Variants in VCL observed in about 807,000 individuals in gnomAD.
VCL encodes the protein vinculin.
A neutral mutation model predicts 125.7 loss-of-function variants in VCL; 47 were observed. The ratio of observed to expected loss-of-function variants is 0.37; its 90% CI spans 0.30 to 0.48. The LOEUF (loss-of-function observed/expected upper bound fraction) is 0.48, where lower values mean the gene tolerates loss of function less well. Among genes scored for constraint, VCL ranks in the 20% least tolerant of loss-of-function variants. VCL has a pLI of 0.99. For missense variants in VCL, 1,069 were observed against 1,455.5 expected (o/e 0.73, Z 4.32); for synonymous variants, 458 against 514.6 (o/e 0.89, Z 1.49).
In VCL at chr10:74,105,326, G is replaced by A. The variant is rs754294941; in HGVS notation, c.2407G>A (p.Ala803Thr). Residue 803 changes from alanine (A) to threonine (T), a missense_variant, in exon 16 of 22, where the codon GCT (alanine) becomes ACT (threonine). Ala to Thr is a moderately conservative substitution (Grantham distance 58). Coordinates refer to ENST00000211998, the MANE Select transcript of VCL (RefSeq NM_014000.3). ...CTCCCCGATGGTGATGGATGCAAAA[G>A]CTGTGGCTGGAAACATTTCCGACCC... ...TISPMVMDAK[A>T]VAGNISDPGL... 7 of 1,612,588 alleles carry A rather than the reference G, an allele frequency of 4.3e-6. No homozygotes were observed. Among genetic ancestry groups the A allele is most frequent in the South Asian group, 1.1e-5 (1 of 91,014 alleles).
At chr10:74,018,513 T>C (rs1285087885) in intron 1 of VCL, among the ~76,000 whole-genome samples, 1 of 152,068 alleles carries the variant, frequency 6.6e-6, no homozygotes, top group African/African-American at 2.4e-5. Context: ...AGGCAGTGTT[T>C]GAAGCATGAG....
At chr10:74,017,695 A>C (rs1840577013) in intron 1 of VCL, among the ~76,000 whole-genome samples, 1 of 151,186 alleles carries the variant, frequency 6.6e-6, no homozygotes, top group African/African-American at 2.4e-5. Context: ...TGGGACTACT[A>C]CAGGTGCATG....
intron 1 of VCL, among the ~76,000 whole-genome samples, chr10:74,034,821 A>T (rs1377683328): frequency 6.6e-6 from 1 of 152,240 alleles, no homozygotes; most frequent in African/African-American, 2.4e-5. Context: ...TCACCACCCC[A>T]GAAAAACAAT....
chr10:74,107,392 G>A, intron 17 of VCL, 38 bp downstream of exon 17: 1 of 1,614,092 alleles, frequency 6.2e-7, no homozygotes, highest in Non-Finnish European at 8.5e-7. Flanking sequence ...TGAGCAGGAA[G>A]GTGTTGAGAC....
chr10:74,054,950 A>T (rs1314047853), intron 2 of VCL, among the ~76,000 whole-genome samples: 1 of 152,110 alleles, frequency 6.6e-6, no homozygotes, highest in Middle Eastern at 3.4e-3. Flanking sequence ...AAAACCAACA[A>T]CAAAATAATA....
chr10:74,043,016 G>T, intron 1 of VCL, 67 bp from the exon 2 acceptor site: 1 of 1,380,652 alleles, frequency 7.2e-7, no homozygotes, highest in South Asian at 1.2e-5. Flanking sequence ...TTTCAAATAT[G>T]CTTAAGTAAT....
At chr10:74,039,168 T>C (rs1046492880) in intron 1 of VCL, among the ~76,000 whole-genome samples, 1 of 152,086 alleles carries the variant, frequency 6.6e-6, no homozygotes, top group Admixed American at 6.6e-5. Context: ...CTCCTCGGCC[T>C]CCCAAAGTGC....
At chr10:74,107,808 T>G (rs974803696) in intron 17 of VCL, among the ~76,000 whole-genome samples, 1 of 152,164 alleles carries the variant, frequency 6.6e-6, no homozygotes, top group Admixed American at 6.5e-5. Flanking sequence ...TACATGCTTT[T>G]AAAAAATTTT....
chr10:74,072,905 T>G (rs1839509520), intron 5 of VCL, 53 bp downstream of exon 5: 21 of 1,612,136 alleles, frequency 1.3e-5, no homozygotes, highest in Middle Eastern at 1.6e-4. Context: ...TAGCATGTTC[T>G]AAACTCTGAG....
At chr10:74,090,549 G>A (rs1839864248) in intron 10 of VCL, among the ~76,000 whole-genome samples, 1 of 152,132 alleles carries the variant, frequency 6.6e-6, no homozygotes, top group South Asian at 2.1e-4. Flanking sequence ...TACATAAGAG[G>A]AAAATAATTT....
chr10:74,056,168 G>T, intron 2 of VCL, among the ~76,000 whole-genome samples: 1 of 149,914 alleles, frequency 6.7e-6, no homozygotes, highest in East Asian at 1.9e-4. Context: ...TGAGCCTGTG[G>T]GTTTTGTGTG....
At chr10:74,047,532 T>G (rs924233393) in intron 2 of VCL, among the ~76,000 whole-genome samples, 2 of 152,166 alleles carry the variant, frequency 1.3e-5, no homozygotes, top group African/African-American at 4.8e-5. Flanking sequence ...CGACTGAAAC[T>G]TCCTCTGTAG....
chr10:74,032,466 A>T (rs910521076), intron 1 of VCL, among the ~76,000 whole-genome samples: 9 of 151,810 alleles, frequency 5.9e-5, no homozygotes, highest in African/African-American at 2.2e-4. Context: ...GGGAGGCCGA[A>T]GCAGGCAGAT....
In VCL at chr10:74,083,513, G is replaced by C. The variant is rs1415541104; in HGVS notation, c.1022G>C (p.Arg341Thr). 1 of 1,613,686 alleles carries C rather than the reference G, an allele frequency of 6.2e-7. No individual in the cohort carries two copies. Among genetic ancestry groups the C allele is most frequent in the Non-Finnish European group, 8.5e-7 (1 of 1,179,794 alleles). Residue 341 changes from arginine (R) to threonine (T), a missense_variant and splice_region_variant, in exon 8 of 22, where the codon AGA becomes ACA. Transcript: ENST00000211998. ...MTDQVADLRA[R>T]GQGSSPVAMQ... Reference sequence around the variant, plus strand: ...GATCAAGTGGCTGACCTCCGTGCCAGGTAAAAGTTCCTCTGTCCTTACAGA... The same window carrying C: ...GATCAAGTGGCTGACCTCCGTGCCACGTAAAAGTTCCTCTGTCCTTACAGA...
intron 1 of VCL, among the ~76,000 whole-genome samples, chr10:74,010,649 A>T (rs76251874): frequency 0.027 from 3,927 of 145,682 alleles, 57 homozygotes; most frequent in East Asian, 0.064. Flanking sequence ...TTCACCGTTT[A>T]AAAAAAAAAA....
chr10:74,091,010 G>C (rs1839874219), intron 10 of VCL, among the ~76,000 whole-genome samples: 1 of 151,838 alleles, frequency 6.6e-6, no homozygotes, highest in Admixed American at 6.6e-5. Context: ...TATGTTGTCA[G>C]GGCTGGTCTC....
chr10:74,047,614 G>A (rs1564517222), intron 2 of VCL, among the ~76,000 whole-genome samples: 1 of 152,140 alleles, frequency 6.6e-6, no homozygotes, highest in Non-Finnish European at 1.5e-5. Context: ...AACATTTATT[G>A]TTAGATCAGT....
intron 10 of VCL, 87 bp downstream of exon 10, chr10:74,090,285 C>G: frequency 6.9e-7 from 1 of 1,451,582 alleles, no homozygotes; most frequent in Non-Finnish European, 9.6e-7. Context: ...TTTCTTCCCC[C>G]AAGAACATAC....
In VCL at chr10:74,024,426, C is replaced by T. The variant is rs550552775; in HGVS notation, c.169-18657C>T. Among the ~76,000 whole-genome samples the T allele has an allele frequency of 9.2e-5, 14 of 152,168 alleles. No individual in the cohort carries two copies. The East Asian group carries it at 1.5e-3, about 17-fold the overall frequency. On this transcript the variant is annotated intron_variant, in intron 1 of 21. Transcript: ENST00000211998. ...GGGGGTTCGAGACCAGCCTGGCCAA[C>T]GTGGTGAAACCCTGTCTCTACTAAA...
Sources: gnomAD v4.1 joint callset for allele counts (sites outside exome capture counted in the v4.1 genomes callset) on GRCh38, gnomAD v4.1.1 for gene constraint, MANE v1.5 for transcripts, NCBI Gene and HGNC (gene_info 2026-07-23, HGNC 2026-07-21) for gene names.